Variants in SLC25A26 observed in about 807,000 individuals in gnomAD.
The protein encoded by SLC25A26 is mitochondrial S-adenosylmethionine carrier protein.
In SLC25A26, 36 loss-of-function variants were observed where a neutral mutation model predicts 37.8. The ratio of observed to expected loss-of-function variants is 0.95; its 90% CI spans 0.73 to 1.26. SLC25A26 has a LOEUF of 1.26. Among genes scored for constraint, SLC25A26 ranks in the 50% most tolerant of loss-of-function variants. The pLI, the probability that SLC25A26 is intolerant of heterozygous loss-of-function variation, is 0.00. For synonymous variants in SLC25A26, 129 were observed against 122.5 expected, an observed-to-expected ratio of 1.05 and a Z score of -0.35; for missense variants, 390 against 331.1, an observed-to-expected ratio of 1.18 and a Z score of -1.38.
intron 5 of SLC25A26, among the ~76,000 whole-genome samples, chr3:66,343,511 A>G (rs561247863): frequency 1.3e-5 from 2 of 152,320 alleles, no homozygotes; most frequent in African/African-American, 2.4e-5. Flanking sequence ...CAAATGTGTG[A>G]TTTTAAAATT....
chr3:66,190,206 T>C (rs2070910854), intron 1 of SLC25A26, among the ~76,000 whole-genome samples: 1 of 151,900 alleles, frequency 6.6e-6, no homozygotes, highest in African/African-American at 2.4e-5. Flanking sequence ...TTCCAGCTAC[T>C]TGGGAGGCTG....
intron 3 of SLC25A26, among the ~76,000 whole-genome samples, chr3:66,252,286 A>G (rs2073114862): frequency 6.6e-6 from 1 of 152,200 alleles, no homozygotes; most frequent in Non-Finnish European, 1.5e-5. Context: ...TCAATATTTG[A>G]GTTGTATAGC....
chr3:66,167,141 C>T (rs1471038726), intron 1 of SLC25A26, among the ~76,000 whole-genome samples: 1 of 152,144 alleles, frequency 6.6e-6, no homozygotes, highest in Non-Finnish European at 1.5e-5. Flanking sequence ...GGTATTAGTC[C>T]ATTTATCACC....
chr3:66,273,697 G>A (rs924745057), intron 5 of SLC25A26, among the ~76,000 whole-genome samples: 6 of 152,116 alleles, frequency 3.9e-5, no homozygotes, highest in Non-Finnish European at 5.9e-5. Flanking sequence ...TACAAGGGAC[G>A]TGAAGGACCT....
In SLC25A26 at chr3:66,378,604, T is replaced by C. The variant is rs1700823245; in HGVS notation, c.*797T>C. The C allele has an allele frequency of 6.6e-6, 1 of 152,370 alleles. No individual in the cohort carries two copies. Among genetic ancestry groups the C allele is most frequent in the Non-Finnish European group, 1.5e-5 (1 of 68,032 alleles). The allele number at this position is 152,370 out of a possible 1,614,324, so 9.4% of individuals were successfully genotyped here. The stretch of plus-strand genomic sequence containing the variant: ...ATGGAAAGGTCACCACACTTAGGGA[T>C]TTTAGACCTTGACTAACAAGCTCCA... On this transcript the variant is annotated 3_prime_UTR_variant, in exon 10 of 10. Coordinates refer to ENST00000354883, the MANE Select transcript of SLC25A26 (RefSeq NM_001379210.1).
intron 9 of SLC25A26, among the ~76,000 whole-genome samples, chr3:66,375,564 T>C (rs533669711): frequency 6.6e-6 from 1 of 152,136 alleles, no homozygotes; most frequent in African/African-American, 2.4e-5. Context: ...CTAGAGCCTT[T>C]AAGAATGGTG....
chr3:66,272,452 A>G (rs936087422), intron 5 of SLC25A26, among the ~76,000 whole-genome samples: 6 of 152,204 alleles, frequency 3.9e-5, no homozygotes, highest in African/African-American at 1.4e-4. Context: ...CTGGAAGTCT[A>G]CATGATATTA....
At chr3:66,374,644 G>T (rs112473946) in intron 9 of SLC25A26, among the ~76,000 whole-genome samples, 1,592 of 152,296 alleles carry the variant, frequency 0.01, 26 homozygotes, top group African/African-American at 0.035. Flanking sequence ...CAGGATTTTG[G>T]GGGGCCAAGG....
intron 1 of SLC25A26, among the ~76,000 whole-genome samples, chr3:66,190,789 T>TA (rs1408992943): frequency 6.6e-6 from 1 of 152,198 alleles, no homozygotes; most frequent in Non-Finnish European, 1.5e-5. Context: ...TTCACATAAA[T>TA]ACAATTTTCA....
chr3:66,321,400 A>G (rs2075689933), intron 5 of SLC25A26, among the ~76,000 whole-genome samples: 1 of 151,990 alleles, frequency 6.6e-6, no homozygotes, highest in South Asian at 2.1e-4. Context: ...TGCCCCAGTC[A>G]CCTCCTGCAC....
At chr3:66,228,180 T>C (rs1324210516) in intron 1 of SLC25A26, among the ~76,000 whole-genome samples, 2 of 152,240 alleles carry the variant, frequency 1.3e-5, no homozygotes, top group Non-Finnish European at 2.9e-5. Context: ...TGCAAAGCAC[T>C]GCTTGGAGAG....
At chr3:66,225,299 G>C (rs2071690609) in intron 1 of SLC25A26, among the ~76,000 whole-genome samples, 1 of 152,218 alleles carries the variant, frequency 6.6e-6, no homozygotes, top group Non-Finnish European at 1.5e-5. Flanking sequence ...CCAAAGCTCA[G>C]TTCTTGTCTT....
At chr3:66,163,104 C>T (rs1455844133) in intron 1 of SLC25A26, among the ~76,000 whole-genome samples, 1 of 152,148 alleles carries the variant, frequency 6.6e-6, no homozygotes, top group Non-Finnish European at 1.5e-5. Context: ...TCCTCGACAT[C>T]CTTGTTAAAA....
intron 1 of SLC25A26, among the ~76,000 whole-genome samples, chr3:66,214,825 G>A (rs1454713148): frequency 6.6e-6 from 1 of 152,076 alleles, no homozygotes; most frequent in Non-Finnish European, 1.5e-5. Context: ...TTTATCTCAA[G>A]AATAGAAAAA....
intron 5 of SLC25A26, among the ~76,000 whole-genome samples, chr3:66,277,225 A>G (rs1430351739): frequency 2.6e-5 from 4 of 152,150 alleles, no homozygotes; most frequent in Non-Finnish European, 4.4e-5. Flanking sequence ...CCTGCTTCCC[A>G]CATGTCTGTA....
rs758342422 is a variant in SLC25A26 at position 66,377,681 on chromosome 3, T to C, written c.708-9T>C. 1.2e-6 allele frequency: 2 copies of C among 1,607,640 alleles called. No homozygotes were observed. The highest frequency in any genetic ancestry group is 2.2e-5 in the East Asian group (1 of 44,832). On this transcript the variant is annotated splice_polypyrimidine_tract_variant and intron_variant, in intron 9 of 9. Coordinates refer to ENST00000354883, the MANE Select transcript of SLC25A26 (RefSeq NM_001379210.1). The stretch of plus-strand genomic sequence containing the variant: ...CGCACAACATTAAAAATCCTGTTTT[T>C]TCCCCTAGATTATTTGCAGGTGTCT...
chr3:66,323,420 A>T (rs1385106488), intron 5 of SLC25A26, among the ~76,000 whole-genome samples: 1 of 152,244 alleles, frequency 6.6e-6, no homozygotes, highest in African/African-American at 2.4e-5. Context: ...CAATTTATCA[A>T]GACAAGGGAA....
intron 7 of SLC25A26, among the ~76,000 whole-genome samples, chr3:66,364,953 C>A (rs2076794219): frequency 6.6e-6 from 1 of 152,240 alleles, no homozygotes; most frequent in East Asian, 1.9e-4. Flanking sequence ...AAATAGATTG[C>A]TTATTTATAT....
chr3:66,147,024 A>T (rs2106680452), intron 1 of SLC25A26, among the ~76,000 whole-genome samples: 1 of 140,972 alleles, frequency 7.1e-6, no homozygotes, highest in Non-Finnish European at 1.5e-5. Flanking sequence ...TTTATGGCTG[A>T]GAAGTATTCC....
Sources: gnomAD v4.1 joint callset for allele counts (sites outside exome capture counted in the v4.1 genomes callset) on GRCh38, gnomAD v4.1.1 for gene constraint, MANE v1.5 for transcripts, NCBI Gene and HGNC (gene_info 2026-07-23, HGNC 2026-07-21) for gene names.